Variants in TRARG1 observed in about 807,000 individuals in gnomAD.
TRARG1 encodes the protein trafficking regulator of GLUT4 (SLC2A4) 1 (gene/pseudogene).
A neutral mutation model predicts 13.3 loss-of-function variants in TRARG1; 16 were observed. That is an observed-to-expected ratio of 1.20 (90% CI 0.81 to 1.83). The LOEUF is 1.83. Ranked by LOEUF, TRARG1 falls within the 40% of genes most tolerant of loss-of-function variation. The pLI, the probability that TRARG1 is intolerant of heterozygous loss-of-function variation, is 0.00. For synonymous variants in TRARG1, 113 were observed against 106.2 expected (o/e 1.06, Z -0.39); for missense variants, 250 against 237.4 (o/e 1.05, Z -0.35).
intron 1 of TRARG1, among the ~76,000 whole-genome samples, chr17:1,282,093 TAC>T (rs1344899365): frequency 6.7e-6 from 1 of 149,526 alleles, no homozygotes; most frequent in African/African-American, 2.5e-5. Context: ...TGTACATATA[TAC>T]GTATATGTGT....
At position 1,296,528 on chromosome 17, in the gene TRARG1, T is replaced by A. The variant is rs1478143270; in HGVS notation, c.520+905T>A. Among the ~76,000 whole-genome samples, 3 of 147,032 alleles carry A rather than the reference T, an allele frequency of 2.0e-5. No homozygotes were observed. The Admixed American group carries it at 2.0e-4, about 10-fold the overall frequency. ...CCATTTTCTCTTTCTTTTTTTTTTT[T>A]TGAGATGGAGTCTCATTCTGTTGCC... On this transcript the variant is annotated intron_variant, in intron 2 of 2. Transcript: ENST00000333813.
chr17:1,294,885 C>T (rs921473123), intron 1 of TRARG1, among the ~76,000 whole-genome samples: 1 of 152,140 alleles, frequency 6.6e-6, no homozygotes, highest in African/African-American at 2.4e-5. Context: ...GGGGTTTCAC[C>T]ATGTTGGTCA....
chr17:1,294,299 G>A (rs910753208), intron 1 of TRARG1, among the ~76,000 whole-genome samples: 8 of 151,980 alleles, frequency 5.3e-5, no homozygotes, highest in Non-Finnish European at 1.0e-4. Flanking sequence ...AGAGCTCACC[G>A]AGGAGTGATA....
At chr17:1,291,219 T>A (rs1409928080) in intron 1 of TRARG1, among the ~76,000 whole-genome samples, 1 of 152,198 alleles carries the variant, frequency 6.6e-6, no homozygotes, top group Non-Finnish European at 1.5e-5. Context: ...CAAGTAATTC[T>A]CCTGCTTCAG....
At chr17:1,282,604 C>T (rs2071991748) in intron 1 of TRARG1, among the ~76,000 whole-genome samples, 1 of 151,892 alleles carries the variant, frequency 6.6e-6, no homozygotes, top group Non-Finnish European at 1.5e-5. Flanking sequence ...CTCCCGACCT[C>T]GTGATCCACC....
At chr17:1,286,749 T>C (rs1271832513) in intron 1 of TRARG1, among the ~76,000 whole-genome samples, 1 of 136,702 alleles carries the variant, frequency 7.3e-6, no homozygotes, top group Admixed American at 7.5e-5. Flanking sequence ...TTTCGGCCTG[T>C]GGGGTGTTAT....
chr17:1,298,295 C>T lies in TRARG1; in HGVS notation c.*31C>T, dbSNP rs548458128. ...AGCAGGGAGCTGGGCTAGCAGAGGC[C>T]GGCCCTGGCCATCGGGAGAGCTCTG... is the stretch of plus-strand genomic sequence containing the variant. On this transcript the variant is annotated 3_prime_UTR_variant, in exon 3 of 3. Coordinates refer to ENST00000333813, the MANE Select transcript of TRARG1 (RefSeq NM_172367.3). 40 of 1,611,534 alleles carry T rather than the reference C, an allele frequency of 2.5e-5. No individual in the cohort carries two copies. Among genetic ancestry groups the T allele is most frequent in the South Asian group, 3.3e-5 (3 of 90,556 alleles).
intron 2 of TRARG1, among the ~76,000 whole-genome samples, chr17:1,297,446 G>A (rs907668439): frequency 4.6e-5 from 7 of 152,092 alleles, no homozygotes; most frequent in Admixed American, 2.0e-4. Context: ...GAATTGGAGC[G>A]TGTGTGACAG....
chr17:1,293,239 G>A lies in TRARG1; in HGVS notation c.388-2252G>A, dbSNP rs28626959. 6.5e-3 allele frequency among the ~76,000 whole-genome samples: 903 copies of A among 138,530 alleles called. 14 individuals are homozygous for A. The highest frequency in any genetic ancestry group is 0.023 in the African/African-American group (834 of 35,986). The allele number at this position is 138,530 out of a possible 152,430, so 90.9% of individuals were successfully genotyped here. A position where few individuals can be genotyped will look rare whatever the true frequency, so the allele number is the denominator to read the frequency against. On this transcript the variant is annotated intron_variant, in intron 1 of 2. Coordinates refer to ENST00000333813, the MANE Select transcript of TRARG1 (RefSeq NM_172367.3). ...GTGGAGCTTGCAGTGAACCGAGATT[G>A]CGCCACTGCACTCCAGCCTGGGCGA... is the stretch of plus-strand genomic sequence containing the variant.
rs766565250 is a variant in TRARG1 at position 1,298,315 on chromosome 17, G to C, written c.*51G>C. 5.6e-6 allele frequency: 9 copies of C among 1,605,298 alleles called. No homozygotes were observed. The South Asian group carries it at 8.9e-5, about 16-fold the overall frequency. ...GAGGCCGGCCCTGGCCATCGGGAGA[G>C]CTCTGACCTGCACACCGCGGGAGGC... On this transcript the variant is annotated 3_prime_UTR_variant, in exon 3 of 3. Coordinates refer to ENST00000333813, the MANE Select transcript of TRARG1 (RefSeq NM_172367.3).
chr17:1,291,122 T>C (rs980964099), intron 1 of TRARG1, among the ~76,000 whole-genome samples: 1 of 152,096 alleles, frequency 6.6e-6, no homozygotes, highest in African/African-American at 2.4e-5. Context: ...GTCAGGCTGG[T>C]CTCGAACTCC....
At chr17:1,282,318 A>G (rs866096862) in intron 1 of TRARG1, among the ~76,000 whole-genome samples, 15 of 114,154 alleles carry the variant, frequency 1.3e-4, no homozygotes, top group African/African-American at 3.7e-4. Context: ...ATGCGTATAT[A>G]TGTACATATA....
chr17:1,284,039 C>T (rs1326060590), intron 1 of TRARG1, among the ~76,000 whole-genome samples: 4 of 151,566 alleles, frequency 2.6e-5, no homozygotes, highest in East Asian at 1.9e-4. Context: ...GGCGTGAATC[C>T]GGGAGGCGGA....
chr17:1,282,324 A>ATATGTACATATGCGTATATATGTACG lies in TRARG1; in HGVS notation c.387+1939_387+1940insGTACATATGCGTATATATGTACGTAT, dbSNP rs1491107667. ...TATGTACATATGCGTATATATGTAC[A>ATATGTACATATGCGTATATATGTACG]TATATGTACGTATATGTACATATGC... On this transcript the variant is annotated intron_variant, in intron 1 of 2. Coordinates refer to ENST00000333813, the MANE Select transcript of TRARG1 (RefSeq NM_172367.3). Among the ~76,000 whole-genome samples, 15 of 112,226 alleles carry ATATGTACATATGCGTATATATGTACG rather than the reference A, an allele frequency of 1.3e-4. 1 individual carries two copies. Among genetic ancestry groups the ATATGTACATATGCGTATATATGTACG allele is most frequent in the Non-Finnish European group, 2.5e-4 (12 of 47,320 alleles). The allele number at this position is 112,226 out of a possible 152,430, so 73.6% of individuals were successfully genotyped here. A position where few individuals can be genotyped will look rare whatever the true frequency, so the allele number is the denominator to read the frequency against.
Position 1,288,559 on chromosome 17 carries a change from A to C in TRARG1, c.388-6932A>C, listed in dbSNP as rs551373058. 9.3e-3 allele frequency among the ~76,000 whole-genome samples: 209 copies of C among 22,438 alleles called. 5 individuals are homozygous for C. The highest frequency in any genetic ancestry group is 0.035 in the African/African-American group (172 of 4,936). The allele number at this position is 22,438 out of a possible 152,430, so 14.7% of individuals were successfully genotyped here. On this transcript the variant is annotated intron_variant, in intron 1 of 2. Coordinates refer to ENST00000333813, the MANE Select transcript of TRARG1 (RefSeq NM_172367.3). Reference sequence around the variant, plus strand: ...CATCCCCCACGGGTTCCCCATCCCCAATGGGTTCCCCATCCCCCATGGGCT... The same window carrying C: ...CATCCCCCACGGGTTCCCCATCCCCCATGGGTTCCCCATCCCCCATGGGCT...
intron 1 of TRARG1, among the ~76,000 whole-genome samples, chr17:1,282,287 T>TATGTACATATATGCACGTATATGTAC (rs2071987420): frequency 6.8e-6 from 1 of 147,426 alleles, no homozygotes; most frequent in Non-Finnish European, 1.5e-5. Flanking sequence ...TATATGTACA[T>TATGTACATATATGCACGTATATGTAC]ATATGTACGT....
At chr17:1,297,975 G>C (rs964870698) in intron 2 of TRARG1, among the ~76,000 whole-genome samples, 8 of 152,146 alleles carry the variant, frequency 5.3e-5, no homozygotes, top group African/African-American at 1.9e-4. Context: ...GATAGCAAAA[G>C]TCTCAGGACT....
At position 1,280,393 on chromosome 17, in the gene TRARG1, G is replaced by T. The variant is rs200097959; in HGVS notation, c.387+5G>T. 9.9e-5 allele frequency: 156 copies of T among 1,577,992 alleles called. No individual in the cohort carries two copies. In the African/African-American group the frequency reaches 1.8e-3, roughly 18 times the overall value. On this transcript the variant is annotated splice_donor_5th_base_variant and intron_variant, in intron 1 of 2. Transcript: ENST00000333813. ...CCCCTCATCATTTCCATCATGGTAA[G>T]TGCTGGTCTTTGTTCCAGGGGCAGG...
chr17:1,280,142 C>A lies in TRARG1; in HGVS notation c.141C>A (p.Leu47=). 6.2e-7 allele frequency: 1 copy of A among 1,614,002 alleles called. No homozygotes were observed. The highest frequency in any genetic ancestry group is 8.5e-7 in the Non-Finnish European group (1 of 1,180,014). Residue 47 remains leucine, a synonymous_variant, in exon 1 of 3, where the codon CTC becomes CTA. Transcript: ENST00000333813. ...AGACCCTGAATCTGTCCAAGACCCT[C>A]TCGGGGCCTCTGGATCTGGAGCAGA... ...DDKTLNLSKT[L]SGPLDLEQNS...
Sources: allele counts gnomAD v4.1 joint callset (sites outside exome capture counted in the v4.1 genomes callset), GRCh38; gene constraint gnomAD v4.1.1; transcripts MANE v1.5; gene names NCBI Gene and HGNC (gene_info 2026-07-23, HGNC 2026-07-21).